TOP6BL: variants seen among roughly 807,000 people sequenced by gnomAD.
TOP6BL encodes the protein TOP6B like initiator of meiotic double strand breaks.
chr11:66,765,109 A>G, the TOP6BL span, among the ~76,000 whole-genome samples: 19 of 152,340 alleles, frequency 1.2e-4, no homozygotes, highest in East Asian at 3.7e-3. Context: ...TTTGACTAAT[A>G]TTTGTGAAAG....
At chr11:66,746,110 A>G in the TOP6BL span, among the ~76,000 whole-genome samples, 1 of 151,976 alleles carries the variant, frequency 6.6e-6, no homozygotes, top group Non-Finnish European at 1.5e-5. Flanking sequence ...GCCCGGCCCG[A>G]TATGGGAATA....
the TOP6BL span, among the ~76,000 whole-genome samples, chr11:66,841,309 G>T: frequency 1.3e-5 from 2 of 151,788 alleles, no homozygotes; most frequent in African/African-American, 4.8e-5. Context: ...GTAGAGACGG[G>T]GTTTCACCAT....
chr11:66,775,231 A>G, the TOP6BL span, among the ~76,000 whole-genome samples: 1 of 150,934 alleles, frequency 6.6e-6, no homozygotes, highest in African/African-American at 2.4e-5. Flanking sequence ...TGTTTTTGTG[A>G]GATGATATAT....
chr11:66,798,186 G>C, the TOP6BL span, among the ~76,000 whole-genome samples: 6 of 152,148 alleles, frequency 3.9e-5, no homozygotes, highest in Middle Eastern at 3.2e-3. Context: ...TTAGAACAGT[G>C]AGGTACACTG....
the TOP6BL span, among the ~76,000 whole-genome samples, chr11:66,840,303 C>T: frequency 6.6e-6 from 1 of 152,302 alleles, no homozygotes; most frequent in African/African-American, 2.4e-5. Flanking sequence ...CTGCCTCCTG[C>T]TTCATACTTA....
chr11:66,785,880 G>C, the TOP6BL span, among the ~76,000 whole-genome samples: 1 of 152,272 alleles, frequency 6.6e-6, no homozygotes, highest in Non-Finnish European at 1.5e-5. Flanking sequence ...CCTAGTCTAG[G>C]CCCAAATACT....
chr11:66,822,353 A>G, the TOP6BL span, among the ~76,000 whole-genome samples: 8 of 151,704 alleles, frequency 5.3e-5, no homozygotes, highest in African/African-American at 1.7e-4. Context: ...TCAGTAAGTC[A>G]CCTCTGTGAA....
the TOP6BL span, among the ~76,000 whole-genome samples, chr11:66,752,087 G>A: frequency 5.4e-5 from 8 of 149,210 alleles, no homozygotes; most frequent in Admixed American, 5.3e-4. Context: ...TATTCAGAGT[G>A]TTTCTGTAGT....
the TOP6BL span, among the ~76,000 whole-genome samples, chr11:66,784,977 T>C: frequency 1.6e-5 from 2 of 127,320 alleles, no homozygotes; most frequent in Admixed American, 1.7e-4. Context: ...TTTTTTTTTT[T>C]GAGAGTCTCG....
chr11:66,820,642 C>T, the TOP6BL span, among the ~76,000 whole-genome samples: 1 of 152,226 alleles, frequency 6.6e-6, no homozygotes, highest in Non-Finnish European at 1.5e-5. Flanking sequence ...TTCTTTACCA[C>T]AGTACGTCTG....
chr11:66,843,457 T>C, the TOP6BL span: 1 of 1,406,360 alleles, frequency 7.1e-7, no homozygotes. Context: ...CAGGGCGCAA[T>C]GGCGGCGCTG....
the TOP6BL span, among the ~76,000 whole-genome samples, chr11:66,808,179 A>G: frequency 6.6e-6 from 1 of 152,250 alleles, no homozygotes; most frequent in African/African-American, 2.4e-5. Context: ...GCTAGCAAAA[A>G]CAAAATCACA....
chr11:66,842,836 G>A, the TOP6BL span: 1 of 1,550,040 alleles, frequency 6.5e-7, no homozygotes, highest in Admixed American at 2.0e-5. Flanking sequence ...GAAGAGGCTT[G>A]TTTTTCTCCT....
the TOP6BL span, chr11:66,843,360 G>GGC: frequency 7.2e-6 from 9 of 1,252,848 alleles, no homozygotes; most frequent in South Asian, 1.5e-5. Flanking sequence ...TCGGGCCCGG[G>GGC]CGGGGCGGGG....
the TOP6BL span, among the ~76,000 whole-genome samples, chr11:66,769,010 G>A: frequency 6.6e-6 from 1 of 152,154 alleles, no homozygotes; most frequent in Non-Finnish European, 1.5e-5. Flanking sequence ...TCCTCATTGA[G>A]TAATCAGCTG....
chr11:66,751,432 A>T, the TOP6BL span, among the ~76,000 whole-genome samples: 2 of 151,168 alleles, frequency 1.3e-5, no homozygotes, highest in Admixed American at 1.3e-4. Context: ...TGACCTCGTG[A>T]TCCACCCACC....
the TOP6BL span, among the ~76,000 whole-genome samples, chr11:66,773,563 G>C: frequency 6.6e-6 from 1 of 152,138 alleles, no homozygotes; most frequent in African/African-American, 2.4e-5. Context: ...AGTCTGGCTA[G>C]AACCAGGTTC....
At chr11:66,768,379 T>C in the TOP6BL span, among the ~76,000 whole-genome samples, 1 of 152,146 alleles carries the variant, frequency 6.6e-6, no homozygotes, top group Non-Finnish European at 1.5e-5. Context: ...GGGAGCTCAT[T>C]TTGTAGACAT....
the TOP6BL span, among the ~76,000 whole-genome samples, chr11:66,797,599 G>T: frequency 4.6e-5 from 7 of 151,880 alleles, no homozygotes; most frequent in Non-Finnish European, 1.5e-5. Context: ...CTACCTCCAA[G>T]GTTCAAGTCA....
Sources: gnomAD v4.1 joint callset for allele counts (sites outside exome capture counted in the v4.1 genomes callset) on GRCh38, gnomAD v4.1.1 for gene constraint, MANE v1.5 for transcripts, NCBI Gene and HGNC (gene_info 2026-07-23, HGNC 2026-07-21) for gene names.